Variants in COL24A1 observed in about 807,000 individuals in gnomAD.
COL24A1 encodes the protein collagen alpha-1(XXIV) chain.
COL24A1 carries 224 observed loss-of-function variants against 253.9 expected under a neutral mutation model. That is an observed-to-expected ratio of 0.88 (90% CI 0.79 to 0.99). COL24A1 has a LOEUF of 0.99. Among genes scored for constraint, COL24A1 ranks in the 50% least tolerant of loss-of-function variants. The pLI is 0.00. For synonymous variants in COL24A1, 685 were observed against 673.7 expected, an observed-to-expected ratio of 1.02 and a Z score of -0.26; for missense variants, 2,131 against 2,068.5, an observed-to-expected ratio of 1.03 and a Z score of -0.59.
At chr1:85,762,762 C>A (rs1368264320) in intron 53 of COL24A1, among the ~76,000 whole-genome samples, 1 of 152,174 alleles carries the variant, frequency 6.6e-6, no homozygotes, top group Admixed American at 6.5e-5. Context: ...TAGTCCATTC[C>A]ACTTAGCAAG....
At chr1:86,134,129 A>G (rs1428469046) in intron 2 of COL24A1, among the ~76,000 whole-genome samples, 1 of 152,084 alleles carries the variant, frequency 6.6e-6, no homozygotes, top group Non-Finnish European at 1.5e-5. Flanking sequence ...TTTCTAGTTT[A>G]TATGGGTAGA....
intron 52 of COL24A1, among the ~76,000 whole-genome samples, chr1:85,776,121 A>G (rs1668518475): frequency 6.6e-6 from 1 of 152,064 alleles, no homozygotes; most frequent in Admixed American, 6.5e-5. Flanking sequence ...CTTTCTTGCA[A>G]ATTTTAATAT....
intron 47 of COL24A1, among the ~76,000 whole-genome samples, chr1:85,791,510 T>C (rs893012881): frequency 3.5e-4 from 54 of 152,272 alleles, no homozygotes; most frequent in African/African-American, 1.2e-3. Context: ...TAGACCTAGA[T>C]GCAATAAATT....
At chr1:86,010,924 C>T (rs1696429036) in intron 19 of COL24A1, among the ~76,000 whole-genome samples, 1 of 151,982 alleles carries the variant, frequency 6.6e-6, no homozygotes, top group Non-Finnish European at 1.5e-5. Context: ...GCAAAACATA[C>T]ACACATACAC....
intron 2 of COL24A1, among the ~76,000 whole-genome samples, chr1:86,142,048 T>C (rs1651173581): frequency 6.6e-6 from 1 of 151,882 alleles, no homozygotes; most frequent in Non-Finnish European, 1.5e-5. Context: ...TATAAACAAC[T>C]TCTCCAACAT....
intron 19 of COL24A1, among the ~76,000 whole-genome samples, chr1:86,000,142 T>G (rs1260364559): frequency 6.6e-6 from 1 of 152,156 alleles, no homozygotes; most frequent in Non-Finnish European, 1.5e-5. Context: ...ATAAACAATC[T>G]AATTCAAGGT....
At chr1:85,850,706 G>A (rs1677661478) in intron 37 of COL24A1, among the ~76,000 whole-genome samples, 1 of 152,114 alleles carries the variant, frequency 6.6e-6, no homozygotes, top group Non-Finnish European at 1.5e-5. Context: ...GCCGTAGGTA[G>A]ATTATTTAAT....
chr1:85,936,441 GGGGAT>G lies in COL24A1; in HGVS notation c.2562+24803_2562+24807del, dbSNP rs1488054788. On this transcript the variant is annotated intron_variant, in intron 24 of 59. Transcript: ENST00000370571. ...ATAGGCAGAAGGGACTATGACCCAA[GGGGAT>G]AAAAGATCTCGTCAGTATGTACTGG... 1.4e-5 allele frequency among the ~76,000 whole-genome samples: 2 copies of G among 147,470 alleles called. 1 individual carries two copies. The highest frequency in any genetic ancestry group is 3.0e-5 in the Non-Finnish European group (2 of 66,688).
intron 12 of COL24A1, among the ~76,000 whole-genome samples, chr1:86,035,930 A>C (rs1428591277): frequency 6.6e-6 from 1 of 152,050 alleles, no homozygotes; most frequent in African/African-American, 2.4e-5. Context: ...AGGAGAGGGA[A>C]GATGAGAAAG....
intron 37 of COL24A1, among the ~76,000 whole-genome samples, chr1:85,860,752 G>C (rs629140): frequency 0.78 from 119,347 of 152,158 alleles, 47,149 homozygotes; most frequent in Non-Finnish European, 0.83. Context: ...AAAACAAAAA[G>C]AAATAAACAA....
At chr1:85,743,173 C>T (rs1324737421) in intron 57 of COL24A1, among the ~76,000 whole-genome samples, 3 of 152,176 alleles carry the variant, frequency 2.0e-5, no homozygotes, top group Non-Finnish European at 2.9e-5. Flanking sequence ...CTAGAGACTT[C>T]TGAGTAGTCT....
intron 53 of COL24A1, among the ~76,000 whole-genome samples, chr1:85,774,807 C>A (rs550086201): frequency 6.6e-6 from 1 of 152,016 alleles, no homozygotes; most frequent in Non-Finnish European, 1.5e-5. Flanking sequence ...TTTTGTTGAT[C>A]GCTTCAAAAT....
chr1:85,879,121 G>A (rs1681530661), intron 32 of COL24A1, among the ~76,000 whole-genome samples: 1 of 152,038 alleles, frequency 6.6e-6, no homozygotes, highest in African/African-American at 2.4e-5. Flanking sequence ...TTCATGGGTT[G>A]TGCTTTTGGT....
chr1:85,898,438 A>T (rs2102821580), intron 28 of COL24A1, among the ~76,000 whole-genome samples: 1 of 152,324 alleles, frequency 6.6e-6, no homozygotes, highest in Non-Finnish European at 1.5e-5. Context: ...AGCTCCACTG[A>T]TCCTGATAAA....
chr1:85,891,175 C>T (rs112245942), intron 31 of COL24A1, among the ~76,000 whole-genome samples: 46,775 of 150,422 alleles, frequency 0.31, 8,287 homozygotes, highest in East Asian at 0.51. Context: ...CTCGGCCTCC[C>T]GAGTAGCTGG....
At chr1:85,877,233 G>T in intron 32 of COL24A1, 58 bp from the exon 33 acceptor site, 1 of 1,208,278 alleles carries the variant, frequency 8.3e-7, no homozygotes, top group Non-Finnish European at 1.2e-6. Flanking sequence ...GTCAGTAAAT[G>T]TATTCATCTG....
At chr1:85,748,576 G>C (rs1336551979) in intron 55 of COL24A1, among the ~76,000 whole-genome samples, 2 of 151,692 alleles carry the variant, frequency 1.3e-5, no homozygotes, top group African/African-American at 4.8e-5. Flanking sequence ...CTCCCAGCGT[G>C]AGCCACGCAG....
chr1:86,110,908 A>C (rs1247614144), intron 5 of COL24A1, among the ~76,000 whole-genome samples: 1 of 151,782 alleles, frequency 6.6e-6, no homozygotes, highest in East Asian at 1.9e-4. Flanking sequence ...GGTCCCATCG[A>C]CTGCCCAAGG....
intron 5 of COL24A1, among the ~76,000 whole-genome samples, chr1:86,111,388 G>T (rs985358443): frequency 2.6e-5 from 4 of 151,876 alleles, no homozygotes; most frequent in African/African-American, 9.7e-5. Flanking sequence ...GGGACTTGGA[G>T]AACTTTTATG....
Sources: gnomAD v4.1 joint callset for allele counts (sites outside exome capture counted in the v4.1 genomes callset) on GRCh38, gnomAD v4.1.1 for gene constraint, MANE v1.5 for transcripts, NCBI Gene and HGNC (gene_info 2026-07-23, HGNC 2026-07-21) for gene names.